The following LARS2 variants were observed in gnomAD, a reference collection of about 807,000 sequenced individuals.
LARS2 encodes the protein leucine--tRNA ligase, mitochondrial.
In LARS2, 81 loss-of-function variants were observed where a neutral mutation model predicts 116.6. The observed-to-expected ratio is 0.69, with a 90% CI of 0.58 to 0.84. LARS2 has a LOEUF of 0.84. Among genes scored for constraint, LARS2 ranks in the 40% least tolerant of loss-of-function variants. The pLI is 0.00. For synonymous variants in LARS2, 396 were observed against 407.2 expected, an observed-to-expected ratio of 0.97 and a Z score of 0.33; for missense variants, 968 against 1,114.5, an observed-to-expected ratio of 0.87 and a Z score of 1.87.
intron 10 of LARS2, among the ~76,000 whole-genome samples, chr3:45,478,477 G>C (rs928585286): frequency 6.6e-6 from 1 of 152,166 alleles, no homozygotes; most frequent in African/African-American, 2.4e-5. Flanking sequence ...GAAAGGCACT[G>C]TATAAATTCA....
chr3:45,517,873 CTCTT>C (rs1178704561), intron 17 of LARS2, 26 bp from the exon 18 acceptor site: 2 of 1,593,074 alleles, frequency 1.3e-6, no homozygotes, highest in Non-Finnish European at 1.7e-6. Context: ...TGCACGCTCT[CTCTT>C]TCTCATTTAC....
At position 45,394,491 on chromosome 3, in the gene LARS2, C is replaced by T. The variant is rs754363894; in HGVS notation, c.38C>T (p.Ser13Phe). 7.4e-6 allele frequency: 12 copies of T among 1,614,092 alleles called. No homozygotes were observed. Among genetic ancestry groups the T allele is most frequent in the South Asian group, 1.1e-5 (1 of 91,078 alleles). The change falls in exon 3 of 22, where the codon TCT becomes TTT. Residue 13 changes from serine to phenylalanine, a missense_variant. Coordinates refer to ENST00000645846, the MANE Select transcript of LARS2 (RefSeq NM_015340.4). ...TGGCAGAGATTGGGTTTTTATGCCT[C>T]TCTTCTGAAAAGACAGCTAAATGGT... is the stretch of plus-strand genomic sequence containing the variant. ...SVWQRLGFYA[S>F]LLKRQLNGGP...
Position 45,474,227 on chromosome 3 carries a change from C to G in LARS2, c.751-16C>G, listed in dbSNP as rs1233634781. On this transcript the variant is annotated splice_polypyrimidine_tract_variant and intron_variant, in intron 8 of 21. Transcript: ENST00000645846. ...CCTTGTGCCTCTACTTCTTTGTTCTCCTTTCATTTGCACAGGCCATGCAGG... is the reference window on the plus strand; with the variant it reads ...CCTTGTGCCTCTACTTCTTTGTTCTGCTTTCATTTGCACAGGCCATGCAGG... 6.5e-7 allele frequency: 1 copy of G among 1,539,544 alleles called. No individual in the cohort carries two copies. The highest frequency in any genetic ancestry group is 1.4e-5 in the African/African-American group (1 of 73,698).
intron 9 of LARS2, 41 bp downstream of exon 9, chr3:45,474,391 ATCTCC>A (rs753803574): frequency 9.0e-6 from 12 of 1,335,658 alleles, no homozygotes; most frequent in Non-Finnish European, 1.3e-5. Flanking sequence ...ATGATCACAA[ATCTCC>A]TCTACATTTG....
intron 19 of LARS2, among the ~76,000 whole-genome samples, chr3:45,522,576 C>T (rs1213183403): frequency 3.3e-5 from 5 of 152,018 alleles, no homozygotes; most frequent in Non-Finnish European, 7.4e-5. Flanking sequence ...ACTAAAAATA[C>T]AAAAAATCAG....
intron 6 of LARS2, among the ~76,000 whole-genome samples, chr3:45,446,245 A>G (rs2125703886): frequency 6.6e-6 from 1 of 152,368 alleles, no homozygotes; most frequent in Middle Eastern, 3.4e-3. Flanking sequence ...TAAGAATTCT[A>G]TAACAAATGT....
Position 45,424,462 on chromosome 3 carries a change from G to A in LARS2, c.516+4733G>A, listed in dbSNP as rs543871934. 3.3e-5 allele frequency among the ~76,000 whole-genome samples: 5 copies of A among 152,182 alleles called. No homozygotes were observed. In the South Asian group the frequency reaches 6.2e-4, roughly 19 times the overall value. ...CACACTATTGTAAAGTCAAAATATA[G>A]GTCTAACCATTGTACATCACGGACT... On this transcript the variant is annotated intron_variant, in intron 6 of 21. Coordinates refer to ENST00000645846, the MANE Select transcript of LARS2 (RefSeq NM_015340.4).
rs890088226 is a variant in LARS2 at position 45,547,305 on chromosome 3, T to A, written c.2533-46T>A. ...GGTTTGGTATTGGGCCGCCTGCCAC[T>A]CTGAGGATGTTCCTCATTGTTTATC... On this transcript the variant is annotated intron_variant, in intron 21 of 21. Coordinates refer to ENST00000645846, the MANE Select transcript of LARS2 (RefSeq NM_015340.4). 2.6e-6 allele frequency: 4 copies of A among 1,544,282 alleles called. No individual in the cohort carries two copies. The African/African-American group carries it at 5.5e-5, about 21-fold the overall frequency.
intron 13 of LARS2, among the ~76,000 whole-genome samples, chr3:45,492,526 T>G (rs1422577164): frequency 2.0e-5 from 3 of 152,184 alleles, no homozygotes; most frequent in African/African-American, 7.2e-5. Flanking sequence ...TAGAGCTGAG[T>G]TACTAGGTTG....
intron 8 of LARS2, 117 bp from the exon 9 acceptor site, chr3:45,474,126 A>T (rs1227787212): frequency 1.4e-5 from 8 of 585,078 alleles, no homozygotes; most frequent in Non-Finnish European, 2.4e-5. Flanking sequence ...GAGAGAGCTA[A>T]ATCCTGGATC....
At chr3:45,499,418 G>A (rs1371582146) in intron 14 of LARS2, among the ~76,000 whole-genome samples, 1 of 152,068 alleles carries the variant, frequency 6.6e-6, no homozygotes, top group Non-Finnish European at 1.5e-5. Flanking sequence ...ACCGAGCCTG[G>A]GTGACAGAGC....
At chr3:45,530,939 GT>G (rs1025868689) in intron 20 of LARS2, among the ~76,000 whole-genome samples, 1 of 152,090 alleles carries the variant, frequency 6.6e-6, no homozygotes, top group Non-Finnish European at 1.5e-5. Context: ...TTGAAATGTG[GT>G]TAAACTTAGA....
intron 8 of LARS2, among the ~76,000 whole-genome samples, chr3:45,473,794 A>G (rs1699567932): frequency 6.6e-6 from 1 of 151,906 alleles, no homozygotes; most frequent in Non-Finnish European, 1.5e-5. Flanking sequence ...TTATAAAATT[A>G]ATACTTTTTA....
intron 21 of LARS2, among the ~76,000 whole-genome samples, chr3:45,542,804 C>G (rs1700817968): frequency 6.6e-6 from 1 of 152,234 alleles, no homozygotes; most frequent in African/African-American, 2.4e-5. Context: ...GCATAGTGCT[C>G]TGGGGATACA....
Position 45,515,079 on chromosome 3 carries a change from A to C in LARS2, c.1862-1015A>C, listed in dbSNP as rs13327044. Among the ~76,000 whole-genome samples the C allele has an allele frequency of 2.8e-3, 434 of 152,352 alleles. 7 individuals are homozygous for C. The highest frequency in any genetic ancestry group is 9.9e-3 in the African/African-American group (411 of 41,584). Reference sequence around the variant, plus strand: ...TGTTAGCTTGGTTGCTGTTGGAATCAGAGATTATTTGGCTGGAAGGAAAAG... The same window carrying C: ...TGTTAGCTTGGTTGCTGTTGGAATCCGAGATTATTTGGCTGGAAGGAAAAG... On this transcript the variant is annotated intron_variant, in intron 16 of 21. Transcript: ENST00000645846.
At chr3:45,411,531 T>C (rs1347319669) in intron 4 of LARS2, among the ~76,000 whole-genome samples, 1 of 152,236 alleles carries the variant, frequency 6.6e-6, no homozygotes, top group Non-Finnish European at 1.5e-5. Context: ...GTCTATATCC[T>C]ATAACTTCAT....
rs924737511 is a variant in LARS2 at position 45,478,801 on chromosome 3, C to T, written c.1018+2174C>T. 2.6e-5 allele frequency among the ~76,000 whole-genome samples: 4 copies of T among 152,130 alleles called. No individual in the cohort carries two copies. The East Asian group carries it at 7.7e-4, about 29-fold the overall frequency. ...AATCTCTAAATTAATTTGCACATCA[C>T]GTCCCTGGATTTTTGACATCATAGT... On this transcript the variant is annotated intron_variant, in intron 10 of 21. Coordinates refer to ENST00000645846, the MANE Select transcript of LARS2 (RefSeq NM_015340.4).
At chr3:45,448,301 T>G (rs1253857933) in intron 7 of LARS2, among the ~76,000 whole-genome samples, 1 of 152,216 alleles carries the variant, frequency 6.6e-6, no homozygotes, top group African/African-American at 2.4e-5. Context: ...AAAACCACAC[T>G]AGGCTGCTCC....
chr3:45,472,927 A>G (rs1000121709), intron 8 of LARS2, among the ~76,000 whole-genome samples: 2 of 152,226 alleles, frequency 1.3e-5, no homozygotes, highest in African/African-American at 4.8e-5. Flanking sequence ...TGCAAAGGTT[A>G]TTACTTCCCT....
Sources: allele counts gnomAD v4.1 joint callset (sites outside exome capture counted in the v4.1 genomes callset), GRCh38; gene constraint gnomAD v4.1.1; transcripts MANE v1.5; gene names NCBI Gene and HGNC (gene_info 2026-07-23, HGNC 2026-07-21).